Variants in ATP8B3 observed in about 807,000 individuals in gnomAD.
ATP8B3 encodes ATPase phospholipid transporting 8B3, also known as phospholipid-transporting ATPase IK.
In ATP8B3, 141 loss-of-function variants were observed where a neutral mutation model predicts 140.9. That is an observed-to-expected ratio of 1.00 (90% CI 0.87 to 1.15). The LOEUF (loss-of-function observed/expected upper bound fraction) is 1.15, where lower values mean the gene tolerates loss of function less well. ATP8B3 is among the 50% of genes most tolerant of loss of function. The probability of loss-of-function intolerance (pLI) is 0.00; values close to 1 mark genes in which losing one functional copy is unlikely to be tolerated. For synonymous variants in ATP8B3, 765 were observed against 714.6 expected (o/e 1.07, Z -1.13); for missense variants, 1,874 against 1,740.6 (o/e 1.08, Z -1.36).
rs201309366 is a variant in ATP8B3 at position 1,806,049 on chromosome 19, G to A, written c.750+48C>T. On this transcript the variant is annotated intron_variant, in intron 8 of 28. Transcript: ENST00000310127. The surrounding 1 kb of genome is among the most constrained non-coding windows in gnomAD (Gnocchi z 5.6). ...TCCCCACCCTGGGAGGGGTGCTCTC[G>A]GTGAGGGGGCGCGTGGTTCTGGGAC... is the stretch of plus-strand genomic sequence containing the variant. 1,274 of 1,604,854 alleles carry A rather than the reference G, an allele frequency of 7.9e-4. 11 individuals carry two copies. In the African/African-American group the frequency reaches 0.015, roughly 18 times the overall value.
rs369358662 is a variant in ATP8B3, at chr19:1,805,898, C to A, written c.811G>T (p.Asp271Tyr). ...GCCACAGCTCCTCACCCGTCAATGT[C>A]CACCGTCTCCACATAGCACAGGCTG... ...PSSLCYVETV[D>Y]IDGETNLKFR... The change falls in exon 9 of 29, where the codon GAC (aspartate) becomes TAC (tyrosine). Residue 271 changes from aspartate to tyrosine, a missense_variant. This residue lies in a region of ATP8B3 where 1,032 missense variants were observed against 963.6 expected (regional missense o/e 1.07). Coordinates refer to ENST00000310127, the MANE Select transcript of ATP8B3 (RefSeq NM_138813.4). This position sits in a 1 kb window ranked among gnomAD's most constrained non-coding sequence, Gnocchi z 5.2. 1 of 1,612,938 alleles carries A rather than the reference C, an allele frequency of 6.2e-7. No homozygotes were observed. Among genetic ancestry groups the A allele is most frequent in the Non-Finnish European group, 8.5e-7 (1 of 1,179,856 alleles).
At chr19:1,801,631 A>G (rs1270791912) in intron 12 of ATP8B3, among the ~76,000 whole-genome samples, 1 of 152,062 alleles carries the variant, frequency 6.6e-6, no homozygotes, top group Non-Finnish European at 1.5e-5. Context: ...GTGCACCTAT[A>G]GTCCCAGCTA....
intron 18 of ATP8B3, 75 bp downstream of exon 18, chr19:1,795,784 TACACACACACACACAC>T (rs10526864): frequency 0.028 from 24,876 of 892,268 alleles, 119 homozygotes; most frequent in East Asian, 0.1. Flanking sequence ...CTCCTGTCCC[TACACACACACACACAC>T]ACACACACAC....
At chr19:1,787,754 A>AAG (rs1568619794) in intron 24 of ATP8B3, among the ~76,000 whole-genome samples, 1 of 114,966 alleles carries the variant, frequency 8.7e-6, no homozygotes, top group East Asian at 2.3e-4. Context: ...AAAAAAAAAA[A>AAG]AAAAAAACGC....
At chr19:1,801,892 G>C (rs986126141) in intron 12 of ATP8B3, 64 bp downstream of exon 12, 1 of 1,285,092 alleles carries the variant, frequency 7.8e-7, no homozygotes, top group Admixed American at 1.7e-5. Context: ...AGGCCTGGAA[G>C]ATGACATCCC....
chr19:1,785,501 C>A lies in ATP8B3; in HGVS notation c.3361G>T (p.Ala1121Ser), dbSNP rs748241757. The change falls in exon 26 of 29, where the codon GCC (alanine) becomes TCC (serine). Residue 1121 changes from alanine (A) to serine (S), a missense_variant. Physicochemically the swap from Ala to Ser is moderately conservative, Grantham distance 99. This residue lies in a region of ATP8B3 where 840 missense variants were observed against 760.9 expected (regional missense o/e 1.10). Coordinates refer to ENST00000310127, the MANE Select transcript of ATP8B3 (RefSeq NM_138813.4). ...SDHQSFAVVV[A>S]LSCLLSITME... Reference sequence around the variant, plus strand: ...GTGATGGACAGCAGGCAAGACAGGGCCACCACGACCGCAAAGGACTGGTGG... The same window carrying A: ...GTGATGGACAGCAGGCAAGACAGGGACACCACGACCGCAAAGGACTGGTGG... 3 of 1,612,908 alleles carry A rather than the reference C, an allele frequency of 1.9e-6. No individual in the cohort carries two copies. The highest frequency in any genetic ancestry group is 2.5e-6 in the Non-Finnish European group (3 of 1,179,866).
rs371471335 is a variant in ATP8B3, at chr19:1,784,959, C to A, written c.3533-13G>T. On this transcript the variant is annotated splice_polypyrimidine_tract_variant and intron_variant, in intron 27 of 28. Coordinates refer to ENST00000310127, the MANE Select transcript of ATP8B3 (RefSeq NM_138813.4). The stretch of plus-strand genomic sequence containing the variant: ...CTGAGGTCGGCATCTGGGGACAGGG[C>A]GGGGTCACAGCAGAGCCTACCCCCA... The A allele has an allele frequency of 1.2e-6, 2 of 1,602,958 alleles. No individual in the cohort carries two copies. Among genetic ancestry groups the A allele is most frequent in the Non-Finnish European group, 1.7e-6 (2 of 1,175,088 alleles).
intron 10 of ATP8B3, among the ~76,000 whole-genome samples, chr19:1,803,871 G>A (rs1435444587): frequency 1.4e-5 from 2 of 147,190 alleles, no homozygotes; most frequent in Non-Finnish European, 1.5e-5. Flanking sequence ...ACTCCAGCCT[G>A]GGCAACAAGA....
In ATP8B3 at chr19:1,782,311, C is replaced by T. The variant is rs938464469; in HGVS notation, c.*717G>A. The T allele has an allele frequency of 6.9e-5, 24 of 349,726 alleles. No individual in the cohort carries two copies. Among genetic ancestry groups the T allele is most frequent in the Admixed American group, 4.0e-4 (8 of 20,206 alleles). 21.7% of individuals were successfully genotyped at this position (349,726 alleles called of 1,614,324 possible). On this transcript the variant is annotated 3_prime_UTR_variant, in exon 29 of 29. Transcript: ENST00000310127. ...TGCTACGTCACTGCTGAACCCTGGT[C>T]CCCTCCGCAGAGGGCAATGACTGCT...
At position 1,807,119 on chromosome 19, in the gene ATP8B3, C is replaced by A. The variant is rs879687260; in HGVS notation, c.615+49G>T. On this transcript the variant is annotated intron_variant, in intron 6 of 28. Coordinates refer to ENST00000310127, the MANE Select transcript of ATP8B3 (RefSeq NM_138813.4). This position sits in a 1 kb window ranked among gnomAD's most constrained non-coding sequence, Gnocchi z 5.9. ...TCGCCCAGGGATCAAGAGACCCCCC[C>A]GACCGGCCCCGCTCCCTCCCCCAGG... 2.0e-6 allele frequency: 3 copies of A among 1,532,422 alleles called. No homozygotes were observed. Among genetic ancestry groups the A allele is most frequent in the South Asian group, 1.1e-5 (1 of 89,300 alleles). The allele number at this position is 1,532,422 out of a possible 1,614,324, so 94.9% of individuals were successfully genotyped here.
rs769764948 is a variant in ATP8B3, at chr19:1,784,921, A to C, written c.3558T>G (p.Ser1186=). Residue 1186 remains serine, a synonymous_variant, in exon 28 of 29, where the codon TCT becomes TCG. Coordinates refer to ENST00000310127, the MANE Select transcript of ATP8B3 (RefSeq NM_138813.4). ...GCAGGACCACCAGCAGGATGGAGGG[A>C]GAGGACATCACGCTGAGGTCGGCAT... ...FLYADLSVMS[S]PSILLVVLLS... is the part of the protein sequence containing the mutation. The C allele has an allele frequency of 6.2e-7, 1 of 1,612,334 alleles. No individual in the cohort carries two copies. The highest frequency in any genetic ancestry group is 1.1e-5 in the South Asian group (1 of 90,964).
intron 4 of ATP8B3, among the ~76,000 whole-genome samples, chr19:1,808,801 A>T (rs1367962292): frequency 6.6e-6 from 1 of 152,280 alleles, no homozygotes; most frequent in African/African-American, 2.4e-5. Flanking sequence ...GCACTGGGAC[A>T]GGGCAAATGA....
At chr19:1,791,205 C>T (rs1316790321) in intron 20 of ATP8B3, among the ~76,000 whole-genome samples, 2 of 152,058 alleles carry the variant, frequency 1.3e-5, no homozygotes, top group Non-Finnish European at 2.9e-5. Flanking sequence ...ACAGAGGGCA[C>T]CCTGAAAATC....
At chr19:1,795,674 G>C (rs992006637) in intron 18 of ATP8B3, among the ~76,000 whole-genome samples, 1 of 151,994 alleles carries the variant, frequency 6.6e-6, no homozygotes, top group Admixed American at 6.6e-5. Context: ...CCGGGGGAGG[G>C]TGTTTTGTAC....
At chr19:1,801,712 A>G (rs1201220982) in intron 12 of ATP8B3, among the ~76,000 whole-genome samples, 1 of 152,156 alleles carries the variant, frequency 6.6e-6, no homozygotes, top group Non-Finnish European at 1.5e-5. Flanking sequence ...AGATCACGCC[A>G]CTGCACTCCG....
intron 26 of ATP8B3, 65 bp downstream of exon 26, chr19:1,785,404 T>C: frequency 6.4e-7 from 1 of 1,574,140 alleles, no homozygotes; most frequent in East Asian, 2.3e-5. Context: ...AAAGCAGGGG[T>C]CCCCAGGGGA....
Position 1,800,086 on chromosome 19 carries a change from C to T in ATP8B3, c.1413G>A (p.Gln471=). 6.3e-7 allele frequency: 1 copy of T among 1,576,248 alleles called. No homozygotes were observed. The highest frequency in any genetic ancestry group is 8.6e-7 in the Non-Finnish European group (1 of 1,161,230). ...TGCTGCGGGCCTTGGCAGGCACGTC[C>T]TGCGGCTTGTAGTACATCTGCACGT... ...DWDVQMYYKP[Q]DVPAKARSTS... Residue 471 remains glutamine (Q), a synonymous_variant, in exon 14 of 29, where the codon CAG becomes CAA. Coordinates refer to ENST00000310127, the MANE Select transcript of ATP8B3 (RefSeq NM_138813.4). The surrounding 1 kb of genome is among the most constrained non-coding windows in gnomAD (Gnocchi z 4.4).
chr19:1,802,773 T>C lies in ATP8B3; in HGVS notation c.905-128A>G, dbSNP rs139036710. 2.2e-3 allele frequency: 2,544 copies of C among 1,163,790 alleles called. 35 individuals are homozygous for C. In the African/African-American group the frequency reaches 0.035, roughly 16 times the overall value. 72.1% of individuals were successfully genotyped at this position (1,163,790 alleles called of 1,614,324 possible). The stretch of plus-strand genomic sequence containing the variant: ...CCCTCTGTGCCCCAAACTTGCCCTA[T>C]GGTGCCCCAGCACTGGGCTGCCTCC... On this transcript the variant is annotated intron_variant, in intron 10 of 28. Coordinates refer to ENST00000310127, the MANE Select transcript of ATP8B3 (RefSeq NM_138813.4).
At chr19:1,786,060 G>A (rs1015717653) in intron 25 of ATP8B3, among the ~76,000 whole-genome samples, 1 of 152,068 alleles carries the variant, frequency 6.6e-6, no homozygotes, top group Admixed American at 6.6e-5. Flanking sequence ...TTGAGCCCAG[G>A]AGTGGAGGCT....
Sources: gnomAD v4.1 joint callset for allele counts (sites outside exome capture counted in the v4.1 genomes callset) on GRCh38, gnomAD v4.1.1 for gene constraint, gnomAD v4.1.1 regional missense constraint, Gnocchi (gnomAD v3.1) non-coding constraint, MANE v1.5 for transcripts, NCBI Gene and HGNC (gene_info 2026-07-23, HGNC 2026-07-21) for gene names.